The following FMR1 variants were observed in gnomAD, a reference collection of about 807,000 sequenced individuals.
FMR1 encodes the protein FMRP translational regulator 1.
Under a neutral mutation model 50.6 loss-of-function variants are expected in FMR1, and 13 were observed. The ratio of observed to expected loss-of-function variants is 0.26; its 90% CI spans 0.17 to 0.41. The LOEUF (loss-of-function observed/expected upper bound fraction) is 0.41. Among genes scored for constraint, FMR1 ranks in the 10% least tolerant of loss-of-function variants. FMR1 has a pLI of 1.00. For synonymous variants in FMR1, 138 were observed against 164.1 expected, an observed-to-expected ratio of 0.84 and a Z score of 1.22; for missense variants, 316 against 491.3, an observed-to-expected ratio of 0.64 and a Z score of 3.37.
In FMR1 at chrX:147,936,590, G is replaced by C. The variant is rs782265632; in HGVS notation, c.967G>C (p.Glu323Gln). ...VVRVRIEAEN[E>Q]KNVPQEEEIM... ...GAGGGTGAGGATTGAGGCTGAAAAT[G>C]AGAAAAATGTTCCACAAGAAGAGGT... is the stretch of plus-strand genomic sequence containing the variant. The change falls in exon 10 of 17, where the codon GAG becomes CAG. Residue 323 changes from glutamate (E) to glutamine (Q), a missense_variant. Physicochemically the swap from Glu to Gln is conservative, Grantham distance 29. Coordinates refer to ENST00000370475, the MANE Select transcript of FMR1 (RefSeq NM_002024.6). 3 of 1,167,408 alleles carry C rather than the reference G, an allele frequency of 2.6e-6. No individual in the cohort carries two copies. The Admixed American group carries it at 6.5e-5, about 25-fold the overall frequency.
chrX:147,934,584 T>A (rs2043724364), intron 9 of FMR1, among the ~76,000 whole-genome samples: 2 of 111,872 alleles, frequency 1.8e-5, no homozygotes, highest in South Asian at 7.4e-4. Context: ...ATAAGTGTAA[T>A]GTAGAATTGG....
chrX:147,913,287 A>G (rs1029382465), intron 1 of FMR1: 1 of 112,383 alleles, frequency 8.9e-6, no homozygotes, highest in Non-Finnish European at 1.9e-5. Flanking sequence ...TCAGTTTTAA[A>G]AGGAAGATTT....
At chrX:147,937,887 T>C (rs1557179979) in intron 11 of FMR1, among the ~76,000 whole-genome samples, 1 of 112,258 alleles carries the variant, frequency 8.9e-6, no homozygotes, top group African/African-American at 3.2e-5. Context: ...CCTTCTCTCT[T>C]TAAATTTTGC....
chrX:147,918,517 C>T (rs903063595), intron 1 of FMR1, among the ~76,000 whole-genome samples: 1 of 96,613 alleles, frequency 1.0e-5, no homozygotes, highest in African/African-American at 4.0e-5. Flanking sequence ...ACACTACATC[C>T]GGAAATCATC....
At chrX:147,940,433 T>C (rs1348223767) in intron 12 of FMR1, 143 bp from the exon 13 acceptor site, 2 of 508,182 alleles carry the variant, frequency 3.9e-6, no homozygotes, top group Admixed American at 2.7e-5. Context: ...ACTTTTGTTT[T>C]CATATATTGA....
At chrX:147,941,828 T>C (rs1303318772) in intron 13 of FMR1, among the ~76,000 whole-genome samples, 1 of 112,591 alleles carries the variant, frequency 8.9e-6, no homozygotes. Flanking sequence ...TTTGATTTAT[T>C]CTCAAGAATA....
intron 3 of FMR1, among the ~76,000 whole-genome samples, chrX:147,926,681 T>C (rs2043400572): frequency 9.1e-6 from 1 of 110,263 alleles, no homozygotes; most frequent in Admixed American, 9.7e-5. Flanking sequence ...AGAGACGGGG[T>C]TTCACCATGT....
At position 147,925,181 on chromosome X, in the gene FMR1, A is replaced by G. The variant is rs371379297; in HGVS notation, c.105-359A>G. ...TGGAAGCATATTTATATTACTAACA[A>G]TTACTGGTACTAATATTCAAATATT... On this transcript the variant is annotated intron_variant, in intron 2 of 16. Transcript: ENST00000370475. 8.6e-5 allele frequency: 15 copies of G among 174,351 alleles called. No homozygotes were observed. The East Asian group carries it at 1.5e-3, about 18-fold the overall frequency. 14.4% of individuals were successfully genotyped at this position (174,351 alleles called of 1,213,427 possible).
At chrX:147,937,976 C>T (rs1557179990) in intron 11 of FMR1, 123 bp from the exon 12 acceptor site, 4 of 582,923 alleles carry the variant, frequency 6.9e-6, no homozygotes. Context: ...CTAATTTTCT[C>T]TGTTTGAACT....
At chrX:147,934,272 A>G (rs1557179312) in intron 9 of FMR1, among the ~76,000 whole-genome samples, 1 of 109,693 alleles carries the variant, frequency 9.1e-6, no homozygotes, top group African/African-American at 3.3e-5. Flanking sequence ...GGTTTTGAAG[A>G]TGGCATGATG....
intron 2 of FMR1, among the ~76,000 whole-genome samples, chrX:147,925,232 T>A (rs25729): frequency 8.9e-6 from 1 of 112,219 alleles, no homozygotes; most frequent in South Asian, 3.7e-4. Context: ...TGTGGACTTA[T>A]GTTTAAAGCT....
intron 16 of FMR1, 79 bp downstream of exon 16, chrX:147,945,695 A>G (rs2044148864): frequency 2.8e-6 from 2 of 722,806 alleles, no homozygotes; most frequent in East Asian, 3.4e-5. Flanking sequence ...TTACTTTATT[A>G]AAAACATGTT....
rs2044275483 is a variant in FMR1 at position 147,949,690 on chromosome X, A to G, written c.*846A>G. ...AGAAAGAACTATCTTCATCTGAGAG[A>G]GGCTAAAATGTTTTCAGCTAGGAAC... On this transcript the variant is annotated 3_prime_UTR_variant, in exon 17 of 17. Coordinates refer to ENST00000370475, the MANE Select transcript of FMR1 (RefSeq NM_002024.6). 1 of 327,667 alleles carries G rather than the reference A, an allele frequency of 3.1e-6. No homozygotes were observed. The highest frequency in any genetic ancestry group is 2.7e-5 in the African/African-American group (1 of 37,540). 27.0% of individuals were successfully genotyped at this position (327,667 alleles called of 1,213,427 possible). A position where few individuals can be genotyped will look rare whatever the true frequency, so the allele number is the denominator to read the frequency against.
At position 147,950,080 on chromosome X, in the gene FMR1, G is replaced by A; in HGVS notation, c.*1236G>A. The A allele has an allele frequency of 3.1e-6, 1 of 321,255 alleles. No individual in the cohort carries two copies. Among genetic ancestry groups the A allele is most frequent in the Non-Finnish European group, 6.0e-6 (1 of 167,648 alleles). 26.5% of individuals were successfully genotyped at this position (321,255 alleles called of 1,213,427 possible). A position where few individuals can be genotyped will look rare whatever the true frequency, so the allele number is the denominator to read the frequency against. On this transcript the variant is annotated 3_prime_UTR_variant, in exon 17 of 17. Transcript: ENST00000370475. ...GTTGGGGTTTGGTTTTGTTTTTTGA[G>A]TCTTTTTTTTTTAAGTGAAATTTAT...
At chrX:147,926,686 C>T (rs782363864) in intron 3 of FMR1, among the ~76,000 whole-genome samples, 2 of 110,612 alleles carry the variant, frequency 1.8e-5, no homozygotes, top group South Asian at 7.8e-4. Context: ...CGGGGTTTCA[C>T]CATGTTGGTC....
At chrX:147,942,348 G>A (rs2044036683) in intron 13 of FMR1, among the ~76,000 whole-genome samples, 1 of 112,196 alleles carries the variant, frequency 8.9e-6, no homozygotes, top group Non-Finnish European at 1.9e-5. Context: ...TAGAAATGAG[G>A]TTTCATCTGG....
At chrX:147,948,523 A>T in intron 16 of FMR1, 160 bp from the exon 17 acceptor site, 1 of 1,106,863 alleles carries the variant, frequency 9.0e-7, no homozygotes, top group Admixed American at 3.4e-5. Flanking sequence ...CCAAATAAAG[A>T]ATCCTACCTT....
intron 16 of FMR1, among the ~76,000 whole-genome samples, chrX:147,947,935 T>C (rs1557182451): frequency 8.9e-6 from 1 of 112,359 alleles, no homozygotes; most frequent in African/African-American, 3.2e-5. Flanking sequence ...GTATTCAGCA[T>C]TGGCACTTAA....
At chrX:147,941,300 T>C (rs1006741389) in intron 13 of FMR1, among the ~76,000 whole-genome samples, 16 of 111,776 alleles carry the variant, frequency 1.4e-4, no homozygotes, top group Non-Finnish European at 3.0e-4. Context: ...TGTGTGACTT[T>C]AGGCAAGTCA....
Sources: gnomAD v4.1 joint callset for allele counts (sites outside exome capture counted in the v4.1 genomes callset) on GRCh38, gnomAD v4.1.1 for gene constraint, MANE v1.5 for transcripts, NCBI Gene and HGNC (gene_info 2026-07-23, HGNC 2026-07-21) for gene names.